The following PPARG variants were observed in gnomAD, a reference collection of about 807,000 sequenced individuals.
PPARG encodes the protein peroxisome proliferator activated receptor gamma.
A neutral mutation model predicts 39.2 loss-of-function variants in PPARG; 17 were observed. The observed-to-expected ratio is 0.43, with a 90% CI of 0.30 to 0.65. The LOEUF (loss-of-function observed/expected upper bound fraction) is 0.65. PPARG is among the 30% of genes least tolerant of loss of function. The pLI is 0.13. For synonymous variants in PPARG, 223 were observed against 215.7 expected, an observed-to-expected ratio of 1.03 and a Z score of -0.30; for missense variants, 406 against 585.9, an observed-to-expected ratio of 0.69 and a Z score of 3.17.
chr3:12,383,515 T>C (rs2049762220), intron 4 of PPARG, among the ~76,000 whole-genome samples: 2 of 152,172 alleles, frequency 1.3e-5, no homozygotes, highest in African/African-American at 4.8e-5. Flanking sequence ...AGTAAACTGT[T>C]GCTAAATTCT....
chr3:12,404,777 C>A (rs1292826291), intron 5 of PPARG, among the ~76,000 whole-genome samples: 1 of 152,128 alleles, frequency 6.6e-6, no homozygotes, highest in Non-Finnish European at 1.5e-5. Context: ...GCACTCCAGC[C>A]TGGGCGACAG....
At chr3:12,328,695 T>C (rs2047763313) in intron 2 of PPARG, among the ~76,000 whole-genome samples, 1 of 152,238 alleles carries the variant, frequency 6.6e-6, no homozygotes, top group Non-Finnish European at 1.5e-5. Flanking sequence ...TCCCTCTGCA[T>C]CAGAGCCCTT....
rs531541633 is a variant in PPARG, at chr3:12,347,399, G to A, written c.-8-32305G>A. On this transcript the variant is annotated intron_variant, in intron 2 of 7. Coordinates refer to ENST00000651735, the MANE Select transcript of PPARG (RefSeq NM_138711.6). ...GACCTTCCTTTGTCTGCTTTTATGG[G>A]ACTATCCGGCTTGTTGTGATGGTTG... Among the ~76,000 whole-genome samples the A allele has an allele frequency of 1.1e-4, 17 of 150,668 alleles. No homozygotes were observed. In the South Asian group the frequency reaches 3.6e-3, roughly 32 times the overall value.
intron 2 of PPARG, among the ~76,000 whole-genome samples, chr3:12,367,544 A>G (rs1203852925): frequency 6.6e-6 from 1 of 151,982 alleles, no homozygotes; most frequent in African/African-American, 2.4e-5. Flanking sequence ...GCAAGAGGAA[A>G]TATGCTTTTG....
intron 2 of PPARG, among the ~76,000 whole-genome samples, chr3:12,335,018 C>G (rs570758380): frequency 4.7e-4 from 71 of 152,310 alleles, no homozygotes; most frequent in Non-Finnish European, 9.3e-4. Flanking sequence ...ATCCAGATTG[C>G]AAAATTGGGA....
At chr3:12,299,984 T>G (rs1274755109) in intron 1 of PPARG, among the ~76,000 whole-genome samples, 1 of 152,220 alleles carries the variant, frequency 6.6e-6, no homozygotes, top group Non-Finnish European at 1.5e-5. Context: ...ACTATTTCAG[T>G]TCTGTTTTCA....
At chr3:12,365,876 G>A (rs997718233) in intron 2 of PPARG, among the ~76,000 whole-genome samples, 1 of 152,002 alleles carries the variant, frequency 6.6e-6, no homozygotes, top group African/African-American at 2.4e-5. Context: ...TATTGAGTTG[G>A]CTATTACGGG....
intron 3 of PPARG, among the ~76,000 whole-genome samples, chr3:12,380,692 G>A (rs890772623): frequency 4.6e-5 from 7 of 152,130 alleles, no homozygotes; most frequent in African/African-American, 1.7e-4. Flanking sequence ...GCGGTTTTCA[G>A]TTAGAGCCTA....
At chr3:12,352,179 G>T (rs1328153584) in intron 2 of PPARG, among the ~76,000 whole-genome samples, 2 of 152,166 alleles carry the variant, frequency 1.3e-5, no homozygotes, top group Non-Finnish European at 2.9e-5. Flanking sequence ...CCAAAGAATT[G>T]TAAATTCCCA....
chr3:12,367,946 A>G (rs374468484), intron 2 of PPARG, among the ~76,000 whole-genome samples: 18 of 151,902 alleles, frequency 1.2e-4, no homozygotes, highest in Non-Finnish European at 2.5e-4. Context: ...GTTGATCTGA[A>G]TTTGAAAATT....
chr3:12,334,834 C>T lies in PPARG; in HGVS notation c.-9+22381C>T, dbSNP rs1255693127. 2.6e-5 allele frequency among the ~76,000 whole-genome samples: 4 copies of T among 152,274 alleles called. No individual in the cohort carries two copies. The East Asian group carries it at 7.7e-4, about 29-fold the overall frequency. ...ATATACTTTTATCTCTGTTATCCTA[C>T]CATCTAGGTCAATACATTTTAACAT... On this transcript the variant is annotated intron_variant, in intron 2 of 7. Transcript: ENST00000651735.
chr3:12,368,317 G>T (rs1283533137), intron 2 of PPARG, among the ~76,000 whole-genome samples: 1 of 151,886 alleles, frequency 6.6e-6, no homozygotes, highest in Non-Finnish European at 1.5e-5. Context: ...AAGTAGCTGG[G>T]ACTACAGGCC....
At chr3:12,366,602 T>G (rs995959900) in intron 2 of PPARG, among the ~76,000 whole-genome samples, 1 of 152,132 alleles carries the variant, frequency 6.6e-6, no homozygotes, top group Non-Finnish European at 1.5e-5. Flanking sequence ...TTCCTAAGTT[T>G]AGGAAGTTTT....
chr3:12,375,131 A>G (rs1019534774), intron 2 of PPARG, among the ~76,000 whole-genome samples: 8 of 152,256 alleles, frequency 5.3e-5, no homozygotes, highest in Admixed American at 6.5e-5. Context: ...TCACGCCTAT[A>G]TTCCCGGAAG....
intron 1 of PPARG, among the ~76,000 whole-genome samples, chr3:12,307,118 T>A (rs1210166550): frequency 4.0e-5 from 5 of 125,306 alleles, no homozygotes; most frequent in African/African-American, 6.0e-5. Context: ...AAAAAAAAAA[T>A]CAACCGCTGT....
chr3:12,350,081 A>G (rs571225741), intron 2 of PPARG, among the ~76,000 whole-genome samples: 3 of 152,286 alleles, frequency 2.0e-5, no homozygotes, highest in South Asian at 2.1e-4. Context: ...GTATTGTGCC[A>G]TCGTGTCTGG....
At chr3:12,348,242 G>A (rs2048381754) in intron 2 of PPARG, among the ~76,000 whole-genome samples, 1 of 152,112 alleles carries the variant, frequency 6.6e-6, no homozygotes, top group Non-Finnish European at 1.5e-5. Flanking sequence ...TCAATACCAT[G>A]ATTTTATTAA....
chr3:12,334,781 A>G (rs1382639196), intron 2 of PPARG, among the ~76,000 whole-genome samples: 1 of 152,202 alleles, frequency 6.6e-6, no homozygotes, highest in African/African-American at 2.4e-5. Context: ...CACTTTATGT[A>G]CCAACATGTA....
chr3:12,390,869 T>G (rs550237002), intron 4 of PPARG, among the ~76,000 whole-genome samples: 1 of 152,216 alleles, frequency 6.6e-6, no homozygotes, highest in South Asian at 2.1e-4. Context: ...CAGGCTAGTC[T>G]CGAACTCCTG....
Sources: allele counts gnomAD v4.1 joint callset (sites outside exome capture counted in the v4.1 genomes callset), GRCh38; gene constraint gnomAD v4.1.1; transcripts MANE v1.5; gene names NCBI Gene and HGNC (gene_info 2026-07-23, HGNC 2026-07-21).